Variants in GRM3 observed in about 807,000 individuals in gnomAD.
The protein encoded by GRM3 is glutamate metabotropic receptor 3.
In GRM3, 26 loss-of-function variants were observed where a neutral mutation model predicts 70.5. That is an observed-to-expected ratio of 0.37 (90% CI 0.27 to 0.51). The LOEUF is 0.51. Ranked by LOEUF, GRM3 falls within the 20% of genes least tolerant of loss-of-function variation. The pLI, the probability that GRM3 is intolerant of heterozygous loss-of-function variation, is 0.93. For missense variants in GRM3, 859 were observed against 1,123.8 expected (o/e 0.76, Z 3.37); for synonymous variants, 443 against 434.9 (o/e 1.02, Z -0.23).
chr7:86,708,234 A>C (rs1229073558), intron 1 of GRM3, among the ~76,000 whole-genome samples: 3 of 152,108 alleles, frequency 2.0e-5, no homozygotes, highest in Non-Finnish European at 2.9e-5. Context: ...TGACACTTGA[A>C]GATCTATGGG....
chr7:86,719,718 A>G (rs1038306676), intron 1 of GRM3, among the ~76,000 whole-genome samples: 17 of 152,034 alleles, frequency 1.1e-4, no homozygotes, highest in African/African-American at 4.1e-4. Flanking sequence ...TATAAGAATG[A>G]TGAGTGAAGC....
chr7:86,718,286 C>A (rs888677833), intron 1 of GRM3, among the ~76,000 whole-genome samples: 5 of 151,870 alleles, frequency 3.3e-5, no homozygotes, highest in African/African-American at 1.2e-4. Flanking sequence ...AAACTAGCCA[C>A]CACCTAAGAT....
chr7:86,688,700 A>C (rs1794622796), intron 1 of GRM3, among the ~76,000 whole-genome samples: 1 of 149,454 alleles, frequency 6.7e-6, no homozygotes, highest in Non-Finnish European at 1.5e-5. Context: ...ATATATATAT[A>C]TGAGAAATAT....
chr7:86,839,672 G>A lies in GRM3; in HGVS notation c.2158G>A (p.Ala720Thr). ...EAPGTRRYTL[A>T]EKRETVILKC... ...CCCAGGCACCAGGAGGTATACCCTT[G>A]CAGAGAAGCGGGAAACAGTCATCCT... The change falls in exon 4 of 6, where the codon GCA becomes ACA. Residue 720 changes from alanine to threonine, a missense_variant. Coordinates refer to ENST00000361669, the MANE Select transcript of GRM3 (RefSeq NM_000840.3). This position sits in a 1 kb window ranked among gnomAD's most constrained non-coding sequence, Gnocchi z 4.5. 2 of 1,613,958 alleles carry A rather than the reference G, an allele frequency of 1.2e-6. No homozygotes were observed. Among genetic ancestry groups the A allele is most frequent in the Non-Finnish European group, 1.7e-6 (2 of 1,179,874 alleles).
At chr7:86,715,781 A>G (rs1482108146) in intron 1 of GRM3, among the ~76,000 whole-genome samples, 1 of 152,042 alleles carries the variant, frequency 6.6e-6, no homozygotes, top group African/African-American at 2.4e-5. Context: ...GGCTTACTCT[A>G]AAAGGTCAAT....
chr7:86,819,597 G>C (rs550132448), intron 3 of GRM3, among the ~76,000 whole-genome samples: 65 of 152,200 alleles, frequency 4.3e-4, no homozygotes, highest in Admixed American at 1.8e-3. Flanking sequence ...AGGCCTAGGG[G>C]GACAAGCACA....
intron 1 of GRM3, among the ~76,000 whole-genome samples, chr7:86,713,437 A>T (rs1795244244): frequency 6.6e-6 from 1 of 151,926 alleles, no homozygotes. Context: ...GTCTCATGTA[A>T]CTATCACCTT....
intron 1 of GRM3, among the ~76,000 whole-genome samples, chr7:86,674,480 G>C (rs577759236): frequency 6.6e-6 from 1 of 152,182 alleles, no homozygotes; most frequent in Admixed American, 6.6e-5. Flanking sequence ...ACATTCAAGG[G>C]GAGGGAAATT....
chr7:86,716,648 G>A (rs1795323221), intron 1 of GRM3, among the ~76,000 whole-genome samples: 1 of 149,206 alleles, frequency 6.7e-6, no homozygotes, highest in Non-Finnish European at 1.5e-5. Flanking sequence ...AACACCAAGT[G>A]CAATAACCCA....
At chr7:86,803,166 A>G (rs1797719199) in intron 3 of GRM3, among the ~76,000 whole-genome samples, 1 of 152,242 alleles carries the variant, frequency 6.6e-6, no homozygotes, top group Admixed American at 6.5e-5. Context: ...TTAGATAAAG[A>G]AGACATTTAT....
chr7:86,728,867 G>A (rs1795654895), intron 1 of GRM3, among the ~76,000 whole-genome samples: 2 of 152,108 alleles, frequency 1.3e-5, no homozygotes, highest in Non-Finnish European at 2.9e-5. Flanking sequence ...ATTGTTACAG[G>A]GCTTGTGGTG....
chr7:86,730,132 A>G (rs1795694496), intron 1 of GRM3, among the ~76,000 whole-genome samples: 2 of 149,824 alleles, frequency 1.3e-5, no homozygotes, highest in South Asian at 2.1e-4. Context: ...ATAAAATACC[A>G]TAACTCAGCC....
chr7:86,707,661 T>C (rs1795090755), intron 1 of GRM3, among the ~76,000 whole-genome samples: 1 of 152,114 alleles, frequency 6.6e-6, no homozygotes, highest in African/African-American at 2.4e-5. Flanking sequence ...ATGCATGTGC[T>C]ATGAATGGGT....
intron 3 of GRM3, among the ~76,000 whole-genome samples, chr7:86,811,462 A>G (rs1797907034): frequency 6.6e-6 from 1 of 151,832 alleles, no homozygotes; most frequent in Non-Finnish European, 1.5e-5. Flanking sequence ...ACCAGGAAGT[A>G]TCATCTCTAG....
At chr7:86,824,184 A>G (rs1798186306) in intron 3 of GRM3, among the ~76,000 whole-genome samples, 1 of 152,226 alleles carries the variant, frequency 6.6e-6, no homozygotes, top group Non-Finnish European at 1.5e-5. Context: ...AGAGAATGTT[A>G]GATTCACCAG....
At chr7:86,680,086 T>C (rs1407137044) in intron 1 of GRM3, among the ~76,000 whole-genome samples, 1 of 152,126 alleles carries the variant, frequency 6.6e-6, no homozygotes, top group Admixed American at 6.6e-5. Context: ...CTTTGCAGTA[T>C]TCCATTGCTT....
chr7:86,779,261 T>C (rs1021361436), intron 2 of GRM3, among the ~76,000 whole-genome samples: 20 of 152,200 alleles, frequency 1.3e-4, no homozygotes, highest in African/African-American at 4.6e-4. Flanking sequence ...TCTAAATCAA[T>C]TCCTTGTCTT....
intron 4 of GRM3, among the ~76,000 whole-genome samples, chr7:86,840,849 C>T (rs1209565046): frequency 2.0e-5 from 3 of 152,140 alleles, no homozygotes; most frequent in Non-Finnish European, 4.4e-5. Context: ...ATCCTCAAAT[C>T]TGCTGTTTAC....
At chr7:86,738,556 C>A (rs908068440) in intron 1 of GRM3, among the ~76,000 whole-genome samples, 1 of 152,138 alleles carries the variant, frequency 6.6e-6, no homozygotes, top group Admixed American at 6.5e-5. Flanking sequence ...CCTCATGTTA[C>A]AAATGAGGAA....
Sources: allele counts gnomAD v4.1 joint callset (sites outside exome capture counted in the v4.1 genomes callset), GRCh38; gene constraint gnomAD v4.1.1; non-coding constraint Gnocchi (gnomAD v3.1); transcripts MANE v1.5; gene names NCBI Gene and HGNC (gene_info 2026-07-23, HGNC 2026-07-21).